The following CUBN variants were observed in gnomAD, a reference collection of about 807,000 sequenced individuals.
CUBN encodes the protein cubilin, also known as 460 kDa receptor.
A neutral mutation model predicts 405.3 loss-of-function variants in CUBN; 282 were observed. That is an observed-to-expected ratio of 0.70 (90% CI 0.63 to 0.77). CUBN has a LOEUF of 0.77. CUBN is among the 30% of genes least tolerant of loss of function. CUBN has a pLI of 0.00. For missense variants in CUBN, 4,514 were observed against 4,475.2 expected (o/e 1.01, Z -0.25); for synonymous variants, 1,684 against 1,617.0 (o/e 1.04, Z -0.99).
At chr10:16,852,573 G>A (rs1839749434) in intron 59 of CUBN, among the ~76,000 whole-genome samples, 4 of 152,006 alleles carry the variant, frequency 2.6e-5, no homozygotes, top group Admixed American at 2.6e-4. Flanking sequence ...GAGCCTTCAG[G>A]TGTCTCCTTC....
intron 15 of CUBN, among the ~76,000 whole-genome samples, chr10:17,086,887 T>C (rs1023854293): frequency 6.6e-6 from 1 of 152,172 alleles, no homozygotes; most frequent in South Asian, 2.1e-4. Flanking sequence ...TCTCCAGAAA[T>C]GAATGTGTAG....
intron 22 of CUBN, among the ~76,000 whole-genome samples, chr10:17,052,875 A>T (rs1835305969): frequency 6.6e-6 from 1 of 151,616 alleles, no homozygotes; most frequent in African/African-American, 2.4e-5. Context: ...AGATATAACT[A>T]AAACAGCACA....
chr10:16,974,562 G>T (rs1054364009), intron 31 of CUBN, among the ~76,000 whole-genome samples: 1 of 151,768 alleles, frequency 6.6e-6, no homozygotes. Flanking sequence ...TAGTAGAGAC[G>T]GGGTTTCACC....
chr10:17,026,247 C>G (rs1418346200), intron 27 of CUBN, among the ~76,000 whole-genome samples: 1 of 152,190 alleles, frequency 6.6e-6, no homozygotes, highest in Non-Finnish European at 1.5e-5. Context: ...CTCACATCTC[C>G]TGGAAAAACT....
chr10:16,959,922 T>G (rs1031837333), intron 31 of CUBN, among the ~76,000 whole-genome samples: 1 of 152,228 alleles, frequency 6.6e-6, no homozygotes, highest in African/African-American at 2.4e-5. Flanking sequence ...TGATCGTTAC[T>G]TAAGTGGTAA....
intron 60 of CUBN, among the ~76,000 whole-genome samples, chr10:16,845,712 T>C (rs1397509149): frequency 6.6e-6 from 1 of 152,218 alleles, no homozygotes; most frequent in Non-Finnish European, 1.5e-5. Flanking sequence ...AATGAATGAA[T>C]AGTAGGTACG....
chr10:17,030,941 A>C (rs1164736025), intron 27 of CUBN, among the ~76,000 whole-genome samples: 1 of 152,134 alleles, frequency 6.6e-6, no homozygotes, highest in African/African-American at 2.4e-5. Context: ...AAATAAAATA[A>C]GAGTTGTTAA....
intron 9 of CUBN, among the ~76,000 whole-genome samples, chr10:17,110,286 G>A (rs1479592201): frequency 6.6e-6 from 1 of 152,230 alleles, no homozygotes; most frequent in Non-Finnish European, 1.5e-5. Context: ...CAACTCAGGA[G>A]TGCATGATAT....
chr10:17,109,789 C>G (rs1247566775), intron 9 of CUBN, 54 bp from the exon 10 acceptor site: 2 of 1,380,378 alleles, frequency 1.4e-6, no homozygotes, highest in East Asian at 4.6e-5. Flanking sequence ...GATGGGAGGA[C>G]AAAGCCTGTC....
At chr10:17,101,131 T>C (rs1330161402) in intron 13 of CUBN, among the ~76,000 whole-genome samples, 1 of 152,170 alleles carries the variant, frequency 6.6e-6, no homozygotes, top group African/African-American at 2.4e-5. Context: ...TATTTTAAGA[T>C]CAGTTACCTA....
intron 27 of CUBN, among the ~76,000 whole-genome samples, chr10:17,037,581 T>C (rs1192696253): frequency 1.3e-5 from 2 of 152,212 alleles, no homozygotes; most frequent in African/African-American, 2.4e-5. Context: ...TAGCCAGGTT[T>C]AGTTGAACTG....
chr10:16,933,371 T>C, intron 39 of CUBN, 87 bp from the exon 40 acceptor site: 1 of 1,217,078 alleles, frequency 8.2e-7, no homozygotes, highest in Non-Finnish European at 1.2e-6. Context: ...GACAGCCCTC[T>C]ACTGAAAAGA....
chr10:16,896,678 G>A (rs569435783), intron 54 of CUBN, among the ~76,000 whole-genome samples: 192 of 152,322 alleles, frequency 1.3e-3, no homozygotes, highest in African/African-American at 4.4e-3. Flanking sequence ...GGTTCACTCA[G>A]CTTCTTGAAC....
intron 15 of CUBN, among the ~76,000 whole-genome samples, chr10:17,087,624 C>T (rs559864800): frequency 1.8e-4 from 27 of 151,662 alleles, no homozygotes; most frequent in African/African-American, 5.8e-4. Context: ...TACAGGCACC[C>T]GCCACCTCGC....
At chr10:17,070,979 A>G (rs1835726054) in intron 19 of CUBN, among the ~76,000 whole-genome samples, 1 of 152,220 alleles carries the variant, frequency 6.6e-6, no homozygotes, top group Non-Finnish European at 1.5e-5. Context: ...ATAATTAAAT[A>G]TGATGTTAGA....
At chr10:16,933,682 T>C (rs1344408334) in intron 39 of CUBN, among the ~76,000 whole-genome samples, 2 of 152,192 alleles carry the variant, frequency 1.3e-5, no homozygotes, top group Non-Finnish European at 2.9e-5. Flanking sequence ...CTAGGCAATT[T>C]TGAGTTGACA....
In CUBN at chr10:16,874,369, C is replaced by A; in HGVS notation, c.9236+5G>T. On this transcript the variant is annotated splice_donor_5th_base_variant and intron_variant, in intron 58 of 66. Coordinates refer to ENST00000377833, the MANE Select transcript of CUBN (RefSeq NM_001081.4). Reference sequence around the variant, plus strand: ...TTCTTAAGAAAGCCAATTTGTCTTACGTACTTGAGCTCGATCACCTTGTCG... The same window carrying A: ...TTCTTAAGAAAGCCAATTTGTCTTAAGTACTTGAGCTCGATCACCTTGTCG... 1.2e-6 allele frequency: 2 copies of A among 1,614,082 alleles called. No individual in the cohort carries two copies. Among genetic ancestry groups the A allele is most frequent in the Non-Finnish European group, 1.7e-6 (2 of 1,179,964 alleles).
At chr10:17,028,888 A>G (rs1834731487) in intron 27 of CUBN, among the ~76,000 whole-genome samples, 1 of 152,190 alleles carries the variant, frequency 6.6e-6, no homozygotes, top group East Asian at 1.9e-4. Flanking sequence ...GAAACCCACA[A>G]CTGTGATTAC....
intron 11 of CUBN, among the ~76,000 whole-genome samples, 173 bp from the exon 12 acceptor site, chr10:17,104,778 GTAA>G (rs1836582838): frequency 6.9e-6 from 1 of 144,110 alleles, no homozygotes. Flanking sequence ...TATTATTTAT[GTAA>G]TAATTATATA....
Sources: allele counts gnomAD v4.1 joint callset (sites outside exome capture counted in the v4.1 genomes callset), GRCh38; gene constraint gnomAD v4.1.1; transcripts MANE v1.5; gene names NCBI Gene and HGNC (gene_info 2026-07-23, HGNC 2026-07-21).